The following KHDRBS2 variants were observed in gnomAD, a reference collection of about 807,000 sequenced individuals.
KHDRBS2 encodes KH domain-containing, RNA-binding, signal transduction-associated protein 2.
In KHDRBS2, 26 loss-of-function variants were observed where a neutral mutation model predicts 44.3. That is an observed-to-expected ratio of 0.59 (90% CI 0.43 to 0.81). The LOEUF (loss-of-function observed/expected upper bound fraction) is 0.81. KHDRBS2 is among the 40% of genes least tolerant of loss of function. The probability of loss-of-function intolerance (pLI) is 0.00; values close to 1 mark genes in which losing one functional copy is unlikely to be tolerated. For missense variants in KHDRBS2, 476 were observed against 433.1 expected, an observed-to-expected ratio of 1.10 and a Z score of -0.88; for synonymous variants, 194 against 151.1, an observed-to-expected ratio of 1.28 and a Z score of -2.08.
At chr6:62,168,446 T>TA (rs2150117031) in intron 2 of KHDRBS2, among the ~76,000 whole-genome samples, 1 of 152,246 alleles carries the variant, frequency 6.6e-6, no homozygotes, top group South Asian at 2.1e-4. Flanking sequence ...GATACCCTCT[T>TA]ACAAGAGGAA....
chr6:62,183,702 C>A lies in KHDRBS2; in HGVS notation c.92-6390G>T, dbSNP rs1319248634. Among the ~76,000 whole-genome samples, 5 of 151,414 alleles carry A rather than the reference C, an allele frequency of 3.3e-5. No homozygotes were observed. The South Asian group carries it at 1.0e-3, about 31-fold the overall frequency. On this transcript the variant is annotated intron_variant, in intron 1 of 8. Transcript: ENST00000281156. ...ATTTTAGAATGTATTTAATGAAGAA[C>A]ATGGAATTCGTCTGTGAAGAAAATA... is the stretch of plus-strand genomic sequence containing the variant.
chr6:61,941,945 G>T (rs577073722), intron 4 of KHDRBS2, among the ~76,000 whole-genome samples: 6 of 152,092 alleles, frequency 3.9e-5, no homozygotes, highest in Admixed American at 2.0e-4. Flanking sequence ...TCCAGAAAAA[G>T]AATCCAAATT....
At chr6:62,121,583 C>T (rs1215818119) in intron 2 of KHDRBS2, among the ~76,000 whole-genome samples, 3 of 152,222 alleles carry the variant, frequency 2.0e-5, no homozygotes, top group Non-Finnish European at 2.9e-5. Flanking sequence ...GTCGATAACA[C>T]CAACCAGAAG....
At chr6:61,574,908 C>CA in the KHDRBS2 span, among the ~76,000 whole-genome samples, 1 of 151,808 alleles carries the variant, frequency 6.6e-6, no homozygotes, top group Admixed American at 6.6e-5. Context: ...AATACCATCT[C>CA]AAAAAAAGAG....
At chr6:62,133,436 G>T (rs1032125726) in intron 2 of KHDRBS2, among the ~76,000 whole-genome samples, 11 of 152,244 alleles carry the variant, frequency 7.2e-5, no homozygotes, top group African/African-American at 2.6e-4. Context: ...TGATTGTGAG[G>T]CCTCTCCAGT....
At chr6:62,187,294 A>G (rs1402561683) in intron 1 of KHDRBS2, among the ~76,000 whole-genome samples, 1 of 152,138 alleles carries the variant, frequency 6.6e-6, no homozygotes, top group Non-Finnish European at 1.5e-5. Flanking sequence ...TTGAATAATA[A>G]AGCCCAGGTT....
intron 2 of KHDRBS2, among the ~76,000 whole-genome samples, chr6:62,161,611 T>C (rs1489992573): frequency 1.4e-5 from 2 of 141,754 alleles, no homozygotes; most frequent in Non-Finnish European, 1.5e-5. Context: ...CCTCTGAAGA[T>C]TTCAATGAAA....
At chr6:62,170,947 A>G (rs1444051782) in intron 2 of KHDRBS2, among the ~76,000 whole-genome samples, 1 of 112,918 alleles carries the variant, frequency 8.9e-6, no homozygotes. Context: ...CAAAGAAGAT[A>G]AACGCAAAAA....
chr6:62,095,400 AT>A (rs911921418), intron 2 of KHDRBS2, among the ~76,000 whole-genome samples: 1 of 151,718 alleles, frequency 6.6e-6, no homozygotes, highest in African/African-American at 2.4e-5. Context: ...TTTATATCAT[AT>A]TTTTCCTGTA....
the KHDRBS2 span, among the ~76,000 whole-genome samples, chr6:61,632,964 G>T: frequency 6.6e-6 from 1 of 152,028 alleles, no homozygotes. Context: ...AAAAAGAACT[G>T]AGTAAAAGCC....
intron 6 of KHDRBS2, among the ~76,000 whole-genome samples, chr6:61,844,165 C>T (rs1306913359): frequency 4.6e-5 from 7 of 152,048 alleles, no homozygotes; most frequent in Admixed American, 1.3e-4. Context: ...ACTTTAAAGG[C>T]CTCAAATTAC....
At chr6:62,203,698 AG>A (rs1434637981) in intron 1 of KHDRBS2, among the ~76,000 whole-genome samples, 1 of 152,138 alleles carries the variant, frequency 6.6e-6, no homozygotes, top group Admixed American at 6.5e-5. Context: ...TTTATATAAA[AG>A]TTACGTTTAA....
At chr6:61,950,677 G>A (rs760809329) in intron 4 of KHDRBS2, among the ~76,000 whole-genome samples, 91 of 152,090 alleles carry the variant, frequency 6.0e-4, no homozygotes, top group Non-Finnish European at 1.1e-3. Flanking sequence ...TGCATAAAAC[G>A]AGGTATCTCC....
At chr6:61,600,132 G>T in the KHDRBS2 span, among the ~76,000 whole-genome samples, 4 of 152,044 alleles carry the variant, frequency 2.6e-5, no homozygotes, top group East Asian at 7.7e-4. Flanking sequence ...TATTTATTTT[G>T]TACCATTCCT....
At position 61,848,539 on chromosome 6, in the gene KHDRBS2, ATG is replaced by A. The variant is rs1491314656; in HGVS notation, c.810+46094_810+46095del. ...TATATGTATATATATATACATATAT[ATG>A]TATATATATACATATATATATGTAT... On this transcript the variant is annotated intron_variant, in intron 6 of 8. Transcript: ENST00000281156. 5.2e-3 allele frequency among the ~76,000 whole-genome samples: 303 copies of A among 58,026 alleles called. 13 individuals carry two copies. The highest frequency in any genetic ancestry group is 6.6e-3 in the African/African-American group (63 of 9,510). The allele number at this position is 58,026 out of a possible 152,430, so 38.1% of individuals were successfully genotyped here.
chr6:62,219,230 T>C (rs1252604902), intron 1 of KHDRBS2, among the ~76,000 whole-genome samples: 3 of 151,818 alleles, frequency 2.0e-5, no homozygotes, highest in Admixed American at 2.0e-4. Flanking sequence ...AACTTGGAGA[T>C]TTTGTAGAAG....
chr6:62,025,479 A>C (rs1254154261), intron 3 of KHDRBS2, among the ~76,000 whole-genome samples: 2 of 151,906 alleles, frequency 1.3e-5, no homozygotes, highest in Non-Finnish European at 2.9e-5. Flanking sequence ...CTACATATGT[A>C]CATTTTAAAA....
chr6:62,083,858 G>T (rs1456738962), intron 2 of KHDRBS2, among the ~76,000 whole-genome samples: 4 of 152,122 alleles, frequency 2.6e-5, no homozygotes, highest in Admixed American at 6.6e-5. Context: ...TATCACCACA[G>T]TGCTTCATTA....
intron 6 of KHDRBS2, among the ~76,000 whole-genome samples, chr6:61,734,295 T>A (rs944993217): frequency 4.6e-5 from 7 of 152,268 alleles, no homozygotes; most frequent in African/African-American, 1.7e-4. Context: ...TAAATTTTGT[T>A]CAATGTTCTA....
Sources: gnomAD v4.1 joint callset for allele counts (sites outside exome capture counted in the v4.1 genomes callset) on GRCh38, gnomAD v4.1.1 for gene constraint, MANE v1.5 for transcripts, NCBI Gene and HGNC (gene_info 2026-07-23, HGNC 2026-07-21) for gene names.